Variants in SLC5A10 observed in about 807,000 individuals in gnomAD.
SLC5A10 encodes sodium/mannose cotransporter SLC5A10.
A neutral mutation model predicts 68.9 loss-of-function variants in SLC5A10; 55 were observed. The ratio of observed to expected loss-of-function variants is 0.80; its 90% CI spans 0.64 to 1.00. The LOEUF is 1.00. Among genes scored for constraint, SLC5A10 ranks in the 50% least tolerant of loss-of-function variants. The pLI is 0.00. For synonymous variants in SLC5A10, 344 were observed against 344.8 expected (o/e 1.00, Z 0.02); for missense variants, 732 against 819.3 (o/e 0.89, Z 1.30).
intron 9 of SLC5A10, among the ~76,000 whole-genome samples, chr17:18,991,316 A>T (rs1461640598): frequency 6.6e-6 from 1 of 152,062 alleles, no homozygotes; most frequent in Non-Finnish European, 1.5e-5. Context: ...GGCATCTGGG[A>T]CCACAGCCCC....
intron 9 of SLC5A10, among the ~76,000 whole-genome samples, chr17:19,011,791 C>G (rs1453044887): frequency 6.6e-6 from 1 of 151,198 alleles, no homozygotes; most frequent in East Asian, 2.0e-4. Flanking sequence ...GGGTAGGGGA[C>G]ACTGCCAGGG....
intron 5 of SLC5A10, among the ~76,000 whole-genome samples, chr17:18,964,364 G>A (rs1037197024): frequency 6.6e-6 from 1 of 152,128 alleles, no homozygotes; most frequent in African/African-American, 2.4e-5. Flanking sequence ...CCTGGGGCCC[G>A]AAAGTGCCTG....
At chr17:18,952,469 T>G in intron 1 of SLC5A10, 153 bp downstream of exon 1, 1 of 893,238 alleles carries the variant, frequency 1.1e-6, no homozygotes, top group East Asian at 2.8e-5. Flanking sequence ...TGGGGTAGAC[T>G]TGCTTGGAGA....
intron 1 of SLC5A10, among the ~76,000 whole-genome samples, chr17:18,957,496 G>T (rs2042527285): frequency 6.6e-6 from 1 of 152,100 alleles, no homozygotes; most frequent in South Asian, 2.1e-4. Context: ...TTGAGACGGA[G>T]CCTTGCTCTG....
chr17:19,013,520 G>C lies in SLC5A10; in HGVS notation c.1090+3G>C. On this transcript the variant is annotated splice_donor_region_variant and intron_variant, in intron 10 of 14. Coordinates refer to ENST00000395645, the MANE Select transcript of SLC5A10 (RefSeq NM_001042450.4). ...GGTCATGGAACTGATGCCCATCGGTGAGGCTGTGTGGGTGGGGGTCTGGGT... is the reference window on the plus strand; with the variant it reads ...GGTCATGGAACTGATGCCCATCGGTCAGGCTGTGTGGGTGGGGGTCTGGGT... The C allele has an allele frequency of 6.8e-7, 1 of 1,471,364 alleles. No individual in the cohort carries two copies. The highest frequency in any genetic ancestry group is 2.4e-5 in the East Asian group (1 of 41,498). The allele number at this position is 1,471,364 out of a possible 1,614,324, so 91.1% of individuals were successfully genotyped here.
chr17:19,012,457 G>A lies in SLC5A10; in HGVS notation c.983-953G>A, dbSNP rs80232948. Among the ~76,000 whole-genome samples, 1,383 of 152,354 alleles carry A rather than the reference G, an allele frequency of 9.1e-3. 108 individuals carry two copies. In the East Asian group the frequency reaches 0.19, roughly 21 times the overall value. ...GGGGAGATAGCACGAGGCAAACCCC[G>A]TCCTCTCAGGACTCACCTGCCACAG... On this transcript the variant is annotated intron_variant, in intron 9 of 14. Coordinates refer to ENST00000395645, the MANE Select transcript of SLC5A10 (RefSeq NM_001042450.4).
chr17:18,999,434 G>A (rs911252127), intron 9 of SLC5A10, among the ~76,000 whole-genome samples: 2 of 152,144 alleles, frequency 1.3e-5, no homozygotes, highest in East Asian at 3.8e-4. Flanking sequence ...GCAGACTGGG[G>A]GTCTCGGCCC....
intron 10 of SLC5A10, 62 bp from the exon 11 acceptor site, chr17:19,014,987 G>A (rs2044102431): frequency 2.5e-6 from 4 of 1,571,504 alleles, no homozygotes; most frequent in South Asian, 2.3e-5. Flanking sequence ...AGCCCAGGCG[G>A]GAGGGGTTCC....
intron 9 of SLC5A10, among the ~76,000 whole-genome samples, chr17:19,007,950 C>A (rs1418571000): frequency 6.6e-6 from 1 of 152,128 alleles, no homozygotes; most frequent in Non-Finnish European, 1.5e-5. Flanking sequence ...TTTGATGTGT[C>A]TGGAGAACAC....
intron 7 of SLC5A10, chr17:18,970,600 A>T: frequency 4.4e-6 from 1 of 227,622 alleles, no homozygotes; most frequent in Non-Finnish European, 8.8e-6. Flanking sequence ...TCAGGTGATC[A>T]GGATGAACAC....
At position 18,975,099 on chromosome 17, in the gene SLC5A10, C is replaced by CA. The variant is rs2042945881; in HGVS notation, c.847-1750dup. On this transcript the variant is annotated intron_variant, in intron 8 of 14. Coordinates refer to ENST00000395645, the MANE Select transcript of SLC5A10 (RefSeq NM_001042450.4). The stretch of plus-strand genomic sequence containing the variant: ...ATAGAGGCAAATATCCCACCAATGG[C>CA]AAAAAGACATTCAGGGTCTTAGGGA... Among the ~76,000 whole-genome samples, 4 of 152,270 alleles carry CA rather than the reference C, an allele frequency of 2.6e-5. No individual in the cohort carries two copies. The South Asian group carries it at 8.3e-4, about 32-fold the overall frequency.
intron 9 of SLC5A10, among the ~76,000 whole-genome samples, chr17:18,990,628 C>T (rs2043394279): frequency 6.6e-6 from 1 of 152,230 alleles, no homozygotes; most frequent in Non-Finnish European, 1.5e-5. Flanking sequence ...GGCAGGGTGC[C>T]TGATCCAGGG....
chr17:18,959,323 G>T, intron 3 of SLC5A10, 84 bp downstream of exon 3: 1 of 1,394,798 alleles, frequency 7.2e-7, no homozygotes, highest in Non-Finnish European at 1.0e-6. Context: ...GCTCCCAGTG[G>T]CTGGTGTCAG....
Position 18,960,666 on chromosome 17 carries a change from G to A in SLC5A10, c.453+14G>A, listed in dbSNP as rs2074274. On this transcript the variant is annotated intron_variant, in intron 5 of 14. Transcript: ENST00000395645. The stretch of plus-strand genomic sequence containing the variant: ...ACCAAGATATCGGTGAGCTGCCCCC[G>A]GCTCCCTGCTGGCATAGCCTGGAAA... 30 of 1,611,362 alleles carry A rather than the reference G, an allele frequency of 1.9e-5. No individual in the cohort carries two copies. Among genetic ancestry groups the A allele is most frequent in the Middle Eastern group, 3.3e-4 (2 of 6,060 alleles).
intron 5 of SLC5A10, among the ~76,000 whole-genome samples, chr17:18,961,306 G>A (rs1439916986): frequency 2.6e-5 from 4 of 152,188 alleles, no homozygotes; most frequent in Non-Finnish European, 5.9e-5. Context: ...CAAGTCCCTG[G>A]GGGCAGCTAG....
intron 9 of SLC5A10, among the ~76,000 whole-genome samples, chr17:18,994,741 T>A (rs2043521672): frequency 6.6e-6 from 1 of 152,232 alleles, no homozygotes; most frequent in African/African-American, 2.4e-5. Context: ...AGACCAGGCA[T>A]AAGCAAACTT....
At chr17:18,986,433 G>T (rs2043269776) in intron 9 of SLC5A10, 3 of 152,196 alleles carry the variant, frequency 2.0e-5, no homozygotes, top group Admixed American at 2.0e-4. Flanking sequence ...TGGCTTTTAG[G>T]CGCCACCCCT....
Position 19,004,876 on chromosome 17 carries a change from A to G in SLC5A10, c.983-8534A>G, listed in dbSNP as rs11868888. ...CGGAAGCTGATTCACCCCTCGACAG[A>G]CAGACAGACCTGGGGCGGACGCACT... On this transcript the variant is annotated intron_variant, in intron 9 of 14. Transcript: ENST00000395645. This position sits in a 1 kb window ranked among gnomAD's most constrained non-coding sequence, Gnocchi z 5.4. 0.29 allele frequency: 44,216 copies of G among 151,982 alleles called. 8,873 individuals carry two copies. The highest frequency in any genetic ancestry group is 0.54 in the African/African-American group (22,454 of 41,454). The allele number at this position is 151,982 out of a possible 1,614,324, so 9.4% of individuals were successfully genotyped here.
At chr17:19,014,410 G>A (rs527468602) in intron 10 of SLC5A10, among the ~76,000 whole-genome samples, 63 of 152,286 alleles carry the variant, frequency 4.1e-4, no homozygotes, top group Non-Finnish European at 7.2e-4. Flanking sequence ...CTCCCACTCT[G>A]GAAAACCACA....
Sources: gnomAD v4.1 joint callset for allele counts (sites outside exome capture counted in the v4.1 genomes callset) on GRCh38, gnomAD v4.1.1 for gene constraint, Gnocchi (gnomAD v3.1) non-coding constraint, MANE v1.5 for transcripts, NCBI Gene and HGNC (gene_info 2026-07-23, HGNC 2026-07-21) for gene names.